The following PHACTR3 variants were observed in gnomAD, a reference collection of about 807,000 sequenced individuals.
The protein encoded by PHACTR3 is protein phosphatase 1, regulatory subunit 123.
PHACTR3 carries 16 observed loss-of-function variants against 66.8 expected under a neutral mutation model. The observed-to-expected ratio is 0.24, with a 90% CI of 0.16 to 0.36. PHACTR3 has a LOEUF of 0.36. Among genes scored for constraint, PHACTR3 ranks in the 10% least tolerant of loss-of-function variants. PHACTR3 has a pLI of 1.00. For missense variants in PHACTR3, 647 were observed against 719.9 expected (o/e 0.90, Z 1.16); for synonymous variants, 323 against 292.1 (o/e 1.11, Z -1.08).
At chr20:59,586,072 T>C (rs1185815098) in intron 1 of PHACTR3, among the ~76,000 whole-genome samples, 1 of 152,184 alleles carries the variant, frequency 6.6e-6, no homozygotes, top group East Asian at 1.9e-4. Context: ...ACCCTATGTG[T>C]TCGTGCTGTC....
intron 1 of PHACTR3, among the ~76,000 whole-genome samples, chr20:59,577,999 G>T (rs1226770529): frequency 6.6e-6 from 1 of 152,266 alleles, no homozygotes; most frequent in Non-Finnish European, 1.5e-5. Context: ...TGTGTCTTGG[G>T]GGCAGCAGTT....
At chr20:59,755,029 TGGAGAG>T (rs546562491) in intron 3 of PHACTR3, among the ~76,000 whole-genome samples, 147 bp from the exon 4 acceptor site, 222 of 151,906 alleles carry the variant, frequency 1.5e-3, no homozygotes, top group African/African-American at 4.8e-3. Flanking sequence ...AGTCCAGACT[TGGAGAG>T]GGACTCCTAG....
intron 7 of PHACTR3, among the ~76,000 whole-genome samples, chr20:59,782,279 T>G (rs1194861879): frequency 1.3e-5 from 2 of 152,054 alleles, no homozygotes; most frequent in African/African-American, 4.8e-5. Flanking sequence ...TAAGACAGAG[T>G]CTTGCTCTGT....
chr20:59,607,002 G>A (rs909833896), intron 1 of PHACTR3, among the ~76,000 whole-genome samples: 2 of 152,148 alleles, frequency 1.3e-5, no homozygotes, highest in Admixed American at 6.5e-5. Flanking sequence ...TTTCTGTTCT[G>A]GCAGAAAGAG....
intron 2 of PHACTR3, among the ~76,000 whole-genome samples, chr20:59,747,531 A>G (rs1283653795): frequency 1.3e-5 from 2 of 152,362 alleles, no homozygotes; most frequent in East Asian, 1.9e-4. Context: ...TCGCTGTAGA[A>G]TATCTACTGC....
chr20:59,729,597 G>T lies in PHACTR3; in HGVS notation c.119-13510G>T, dbSNP rs150526769. On this transcript the variant is annotated intron_variant, in intron 1 of 12. Transcript: ENST00000371015. ...AGAAAGTGGTTCCTCAACAGCCATGGGTGACCTTTAAGGATGCCCACAGAT... is the reference window on the plus strand; with the variant it reads ...AGAAAGTGGTTCCTCAACAGCCATGTGTGACCTTTAAGGATGCCCACAGAT... Among the ~76,000 whole-genome samples, 1,391 of 152,246 alleles carry T rather than the reference G, an allele frequency of 9.1e-3. 22 individuals are homozygous for T. Among genetic ancestry groups the T allele is most frequent in the African/African-American group, 0.029 (1,225 of 41,562 alleles).
At chr20:59,635,205 T>C (rs1478891944) in intron 1 of PHACTR3, among the ~76,000 whole-genome samples, 1 of 128,540 alleles carries the variant, frequency 7.8e-6, no homozygotes, top group African/African-American at 2.9e-5. Flanking sequence ...TCTTTCTTTC[T>C]TTCCTTCCTT....
intron 1 of PHACTR3, among the ~76,000 whole-genome samples, chr20:59,701,881 AC>A (rs1253148289): frequency 3.3e-5 from 5 of 152,192 alleles, no homozygotes; most frequent in African/African-American, 4.8e-5. Flanking sequence ...CTTCTGCAGA[AC>A]CCCTGGCAAC....
chr20:59,752,948 A>G (rs1294120215), intron 3 of PHACTR3, among the ~76,000 whole-genome samples: 1 of 152,116 alleles, frequency 6.6e-6, no homozygotes, highest in Admixed American at 6.5e-5. Flanking sequence ...TTGCACGTCA[A>G]ATGCGAGTAA....
At chr20:59,711,747 G>A (rs1050539003) in intron 1 of PHACTR3, among the ~76,000 whole-genome samples, 6 of 152,178 alleles carry the variant, frequency 3.9e-5, no homozygotes, top group Middle Eastern at 3.4e-3. Context: ...ATGGTTTCAC[G>A]CCATTGTAAA....
intron 7 of PHACTR3, among the ~76,000 whole-genome samples, chr20:59,801,910 G>A (rs1040264752): frequency 6.6e-6 from 1 of 152,192 alleles, no homozygotes; most frequent in Non-Finnish European, 1.5e-5. Flanking sequence ...AGCTTAGCGA[G>A]ACGTGTGGCA....
intron 1 of PHACTR3, among the ~76,000 whole-genome samples, chr20:59,658,889 AC>A (rs2035714721): frequency 6.6e-6 from 1 of 150,892 alleles, no homozygotes; most frequent in Admixed American, 6.6e-5. Context: ...TATCTGGCCT[AC>A]AATTTAGCTT....
chr20:59,645,986 C>T (rs1236475565), intron 1 of PHACTR3, among the ~76,000 whole-genome samples: 1 of 152,176 alleles, frequency 6.6e-6, no homozygotes, highest in Non-Finnish European at 1.5e-5. Context: ...GCCCCTGGCC[C>T]CGTTCTGCCT....
intron 1 of PHACTR3, 123 bp downstream of exon 1, chr20:59,605,255 C>A: frequency 1.6e-6 from 1 of 620,612 alleles, no homozygotes; most frequent in Non-Finnish European, 2.3e-6. Flanking sequence ...GGAACCCGCG[C>A]TCGGCCCCGC....
rs1442873533 is a variant in PHACTR3 at position 59,637,908 on chromosome 20, A to G, written c.118+32776A>G. ...AAGCACATAGTTCTTTACATACTTT[A>G]TCTTCCTGAAGCCTCATGAGAGCTC... is the stretch of plus-strand genomic sequence containing the variant. On this transcript the variant is annotated intron_variant, in intron 1 of 12. Transcript: ENST00000371015. Among the ~76,000 whole-genome samples the G allele has an allele frequency of 2.4e-4, 37 of 152,168 alleles. 1 individual carries two copies. Among genetic ancestry groups the G allele is most frequent in the Admixed American group, 2.4e-3 (37 of 15,268 alleles).
At chr20:59,840,666 A>G (rs1053437432) in intron 10 of PHACTR3, among the ~76,000 whole-genome samples, 1 of 152,224 alleles carries the variant, frequency 6.6e-6, no homozygotes, top group East Asian at 1.9e-4. Context: ...AGAGGTGCAC[A>G]ATGCACATGA....
intron 2 of PHACTR3, among the ~76,000 whole-genome samples, chr20:59,746,706 G>A (rs916563799): frequency 2.6e-5 from 4 of 152,186 alleles, no homozygotes; most frequent in Admixed American, 1.3e-4. Flanking sequence ...TCTGTTCCCC[G>A]GCAGCTGGCA....
At chr20:59,660,412 T>A (rs1178307836) in intron 1 of PHACTR3, among the ~76,000 whole-genome samples, 2 of 152,218 alleles carry the variant, frequency 1.3e-5, no homozygotes, top group East Asian at 3.9e-4. Context: ...GAGAATGGCG[T>A]GAATCCGGGA....
At chr20:59,626,632 G>A (rs1448763955) in intron 1 of PHACTR3, 1 of 152,460 alleles carries the variant, frequency 6.6e-6, no homozygotes, top group South Asian at 2.1e-4. Context: ...ACAATGCCAA[G>A]AGGTGGCCAG....
Sources: gnomAD v4.1 joint callset for allele counts (sites outside exome capture counted in the v4.1 genomes callset) on GRCh38, gnomAD v4.1.1 for gene constraint, MANE v1.5 for transcripts, NCBI Gene and HGNC (gene_info 2026-07-23, HGNC 2026-07-21) for gene names.